The following DICER1 variants were observed in gnomAD, a reference collection of about 807,000 sequenced individuals.
DICER1 encodes endoribonuclease Dicer.
A neutral mutation model predicts 194.1 loss-of-function variants in DICER1; 43 were observed. That is an observed-to-expected ratio of 0.22 (90% CI 0.17 to 0.29). DICER1 has a LOEUF of 0.29. Among genes scored for constraint, DICER1 ranks in the 10% least tolerant of loss-of-function variants. The probability of loss-of-function intolerance (pLI) is 1.00; values close to 1 mark genes in which losing one functional copy is unlikely to be tolerated. For missense variants in DICER1, 1,608 were observed against 2,317.0 expected, an observed-to-expected ratio of 0.69 and a Z score of 6.28; for synonymous variants, 832 against 820.5, an observed-to-expected ratio of 1.01 and a Z score of -0.24.
In DICER1 at chr14:95,088,510, C is replaced by G; in HGVS notation, c.*1988G>C. On this transcript the variant is annotated 3_prime_UTR_variant, in exon 27 of 27. Coordinates refer to ENST00000343455, the MANE Select transcript of DICER1 (RefSeq NM_177438.3). ...CAGCCTTGTTAACTGCACACTTTTACAGTTATATAATTCAAGAATTGCTTT... is the reference window on the plus strand; with the variant it reads ...CAGCCTTGTTAACTGCACACTTTTAGAGTTATATAATTCAAGAATTGCTTT... 1 of 232,348 alleles carries G rather than the reference C, an allele frequency of 4.3e-6. No individual in the cohort carries two copies. The highest frequency in any genetic ancestry group is 6.1e-5 in the East Asian group (1 of 16,372). The allele number at this position is 232,348 out of a possible 1,614,324, so 14.4% of individuals were successfully genotyped here.
In DICER1 at chr14:95,105,018, T is replaced by C. The variant is rs1354328225; in HGVS notation, c.3269+53A>G. On this transcript the variant is annotated intron_variant, in intron 20 of 26. Transcript: ENST00000343455. This position sits in a 1 kb window ranked among gnomAD's most constrained non-coding sequence, Gnocchi z 4.9. Reference sequence around the variant, plus strand: ...CAATTTTAACTTAATTCTGTTCTTTTGCAAACAGGATCTCATGATCTGTGT... The same window carrying C: ...CAATTTTAACTTAATTCTGTTCTTTCGCAAACAGGATCTCATGATCTGTGT... The C allele has an allele frequency of 3.5e-5, 54 of 1,548,864 alleles. No homozygotes were observed. Among genetic ancestry groups the C allele is most frequent in the Non-Finnish European group, 6.2e-6 (7 of 1,122,850 alleles).
At position 95,117,610 on chromosome 14, in the gene DICER1, G is replaced by A. The variant is rs1214416603; in HGVS notation, c.1509+12C>T. ...AAAACTGTTATTGTACACTTATTTT[G>A]ATTTAAGTTACCTCTTCCTGTTTTC... On this transcript the variant is annotated intron_variant, in intron 9 of 26. Coordinates refer to ENST00000343455, the MANE Select transcript of DICER1 (RefSeq NM_177438.3). The A allele has an allele frequency of 1.2e-6, 2 of 1,613,776 alleles. No homozygotes were observed. Among genetic ancestry groups the A allele is most frequent in the Non-Finnish European group, 1.7e-6 (2 of 1,179,764 alleles).
At position 95,096,136 on chromosome 14, in the gene DICER1, T is replaced by G. The variant is rs2139843550; in HGVS notation, c.4784A>C (p.Lys1595Thr). Residue 1595 changes from lysine (K) to threonine (T), a missense_variant, in exon 23 of 27, where the codon AAA (lysine) becomes ACA (threonine). Lys to Thr is a moderately conservative substitution (Grantham distance 78). Transcript: ENST00000343455. ...SLGLKVLPVIKRTDREKALCP... is the reference protein window; with the variant it reads ...SLGLKVLPVITRTDREKALCP... ...CAGGGCCTTTTCCCGATCAGTCCTT[T>G]TAATTACCGGGAGCACCTTCAGCCC... 1.2e-6 allele frequency: 2 copies of G among 1,614,224 alleles called. No individual in the cohort carries two copies. The highest frequency in any genetic ancestry group is 1.7e-6 in the Non-Finnish European group (2 of 1,180,038).
intron 22 of DICER1, 63 bp from the exon 23 acceptor site, chr14:95,096,776 ACT>A: frequency 6.5e-7 from 1 of 1,527,794 alleles, no homozygotes; most frequent in Non-Finnish European, 8.8e-7. Flanking sequence ...AGGGTTTGAA[ACT>A]CAATAAAAGC....
intron 3 of DICER1, 52 bp from the exon 4 acceptor site, chr14:95,131,691 G>A (rs1231270424): frequency 1.3e-6 from 2 of 1,513,968 alleles, no homozygotes; most frequent in Non-Finnish European, 9.2e-7. Flanking sequence ...TGCCTAGTTG[G>A]CTCTCTGGAC....
chr14:95,115,595 C>T (rs932079728), intron 11 of DICER1, 72 bp downstream of exon 11: 1 of 1,543,050 alleles, frequency 6.5e-7, no homozygotes, highest in East Asian at 2.2e-5. Context: ...GTCAACAATA[C>T]AAAATGTACA....
chr14:95,114,510 T>C (rs1566786937), intron 11 of DICER1, among the ~76,000 whole-genome samples: 1 of 152,092 alleles, frequency 6.6e-6, no homozygotes, highest in African/African-American at 2.4e-5. Flanking sequence ...ACAGAAATAA[T>C]GGAGTTAGAA....
chr14:95,124,181 A>G lies in DICER1; in HGVS notation c.1376+15T>C. 1 of 1,593,058 alleles carries G rather than the reference A, an allele frequency of 6.3e-7. No homozygotes were observed. The highest frequency in any genetic ancestry group is 8.6e-7 in the Non-Finnish European group (1 of 1,162,016). On this transcript the variant is annotated intron_variant, in intron 8 of 26. Transcript: ENST00000343455. The surrounding 1 kb of genome is among the most constrained non-coding windows in gnomAD (Gnocchi z 4.5). ...TCCCTGTTCTCATGTGAAAGGAGTC[A>G]ACTTACAGATTTACCTGTTTAAGAC...
Position 95,126,041 on chromosome 14 carries a change from T to C in DICER1, c.903+539A>G, listed in dbSNP as rs561594580. Among the ~76,000 whole-genome samples the C allele has an allele frequency of 3.4e-4, 51 of 151,906 alleles. No individual in the cohort carries two copies. The South Asian group carries it at 8.7e-3, about 26-fold the overall frequency. On this transcript the variant is annotated intron_variant, in intron 7 of 26. Coordinates refer to ENST00000343455, the MANE Select transcript of DICER1 (RefSeq NM_177438.3). ...TAGGGCAGTGGTTCTCGAGCTTTAA[T>C]GAATCAGATTACTGGAGGGCTTATC...
At chr14:95,115,549 A>G in intron 11 of DICER1, 118 bp downstream of exon 11, 12 of 1,104,280 alleles carry the variant, frequency 1.1e-5, no homozygotes, top group Non-Finnish European at 1.6e-5. Context: ...TATCGAAAAT[A>G]TGGCAAGTCT....
At position 95,105,662 on chromosome 14, in the gene DICER1, A is replaced by G. The variant is rs2139993855; in HGVS notation, c.3093+16T>C. The G allele has an allele frequency of 6.6e-7, 1 of 1,519,780 alleles. No homozygotes were observed. Among genetic ancestry groups the G allele is most frequent in the Non-Finnish European group, 9.1e-7 (1 of 1,094,232 alleles). The allele number at this position is 1,519,780 out of a possible 1,614,324, so 94.1% of individuals were successfully genotyped here. On this transcript the variant is annotated intron_variant, in intron 19 of 26. Coordinates refer to ENST00000343455, the MANE Select transcript of DICER1 (RefSeq NM_177438.3). This position sits in a 1 kb window ranked among gnomAD's most constrained non-coding sequence, Gnocchi z 4.9. ...CAAACAAATACTAAGTTATGCTAGT[A>G]CAATTAACTCATTACCTGTTTATTC...
Position 95,111,381 on chromosome 14 carries a change from T to C in DICER1, c.2192A>G (p.Glu731Gly). 6.2e-7 allele frequency: 1 copy of C among 1,614,186 alleles called. No individual in the cohort carries two copies. The highest frequency in any genetic ancestry group is 8.5e-7 in the Non-Finnish European group (1 of 1,180,012). The change falls in exon 14 of 27, where the codon GAA (glutamate) becomes GGA (glycine). Residue 731 changes from glutamate (E) to glycine (G), a missense_variant. Glu to Gly is a moderately conservative substitution (Grantham distance 98, BLOSUM62 -2). Transcript: ENST00000343455. The stretch of plus-strand genomic sequence containing the variant: ...TCTTCCTGGAACACTGGTCTCTTCT[T>C]CATCATGCAAATCAAGCTCCTCTTC... Reference protein sequence around the residue: ...KYEEELDLHDEEETSVPGRPG... With the variant: ...KYEEELDLHDGEETSVPGRPG...
At chr14:95,148,879 T>A (rs1272208085) in intron 1 of DICER1, among the ~76,000 whole-genome samples, 1 of 152,200 alleles carries the variant, frequency 6.6e-6, no homozygotes, top group Non-Finnish European at 1.5e-5. Context: ...ATCACTAGCT[T>A]TCAAGGTGAG....
At chr14:95,104,948 A>T in intron 20 of DICER1, 123 bp downstream of exon 20, 1 of 938,402 alleles carries the variant, frequency 1.1e-6, no homozygotes. Context: ...AAGACATAAG[A>T]TATCCATTAT....
intron 8 of DICER1, among the ~76,000 whole-genome samples, chr14:95,118,705 C>A (rs886948504): frequency 2.6e-5 from 4 of 152,030 alleles, no homozygotes; most frequent in Non-Finnish European, 5.9e-5. Context: ...TGGTTCCACA[C>A]CTGATATAAG....
chr14:95,091,168 T>G (rs1409942685), intron 25 of DICER1, 35 bp downstream of exon 25: 4 of 1,614,012 alleles, frequency 2.5e-6, no homozygotes, highest in Non-Finnish European at 3.4e-6. Context: ...TTTAATTTTG[T>G]GGGTTTTTTT....
chr14:95,124,339 T>C lies in DICER1; in HGVS notation c.1233A>G (p.Ser411=), dbSNP rs111595160. 135 of 1,613,970 alleles carry C rather than the reference T, an allele frequency of 8.4e-5. No individual in the cohort carries two copies. In the African/African-American group the frequency reaches 1.7e-3, roughly 20 times the overall value. ...CATCATCATCCTCAGAATCACTCCA[T>C]GACACATAATTATCCTGATTTCTAT... ...YNNRNQDNYV[S]WSDSEDDDED... is the part of the protein sequence containing the mutation. Residue 411 remains serine, a synonymous_variant, in exon 8 of 27, where the codon TCA becomes TCG. Transcript: ENST00000343455. This position sits in a 1 kb window ranked among gnomAD's most constrained non-coding sequence, Gnocchi z 4.5.
chr14:95,099,528 C>T (rs899823644), intron 22 of DICER1, among the ~76,000 whole-genome samples: 2 of 151,666 alleles, frequency 1.3e-5, no homozygotes, highest in South Asian at 2.1e-4. Flanking sequence ...TACTCTTATG[C>T]CTTTGGAAAA....
At chr14:95,135,888 A>C (rs1487472615) in intron 1 of DICER1, among the ~76,000 whole-genome samples, 1 of 152,240 alleles carries the variant, frequency 6.6e-6, no homozygotes, top group Non-Finnish European at 1.5e-5. Flanking sequence ...GATCTCATTC[A>C]TAAAGGACAT....
Sources: allele counts gnomAD v4.1 joint callset (sites outside exome capture counted in the v4.1 genomes callset), GRCh38; gene constraint gnomAD v4.1.1; non-coding constraint Gnocchi (gnomAD v3.1); transcripts MANE v1.5; gene names NCBI Gene and HGNC (gene_info 2026-07-23, HGNC 2026-07-21).